The following PPCS variants were observed in gnomAD, a reference collection of about 807,000 sequenced individuals.
The protein encoded by PPCS is phosphopantothenate--cysteine ligase.
PPCS carries 17 observed loss-of-function variants against 24.6 expected under a neutral mutation model. That is an observed-to-expected ratio of 0.69 (90% confidence interval 0.47 to 1.04). PPCS has a LOEUF of 1.04. Among genes scored for constraint, PPCS ranks in the 50% least tolerant of loss-of-function variants. The pLI is 0.00. For synonymous variants in PPCS, 190 were observed against 168.3 expected (o/e 1.13, Z -1.00); for missense variants, 360 against 402.8 (o/e 0.89, Z 0.91).
intron 2 of PPCS, among the ~76,000 whole-genome samples, chr1:42,469,088 C>T (rs962928833): frequency 4.0e-5 from 6 of 151,686 alleles, no homozygotes; most frequent in Admixed American, 2.0e-4. Flanking sequence ...TTAAAACAAA[C>T]AAAAACAGGG....
rs1643371076 is a variant in PPCS, at chr1:42,460,107, A to C, written c.*181A>C. On this transcript the variant is annotated 3_prime_UTR_variant, in exon 3 of 3. Coordinates refer to ENST00000372561, the MANE Select transcript of PPCS (RefSeq NM_024664.4). ...TGACACCTGATATGATGTCATTTTG[A>C]TTTTGAAATTGAACACTAGAACTGT... is the stretch of plus-strand genomic sequence containing the variant. 7.3e-7 allele frequency: 1 copy of C among 1,361,764 alleles called. No homozygotes were observed. The highest frequency in any genetic ancestry group is 1.5e-5 in the African/African-American group (1 of 68,808). 84.4% of individuals were successfully genotyped at this position (1,361,764 alleles called of 1,614,324 possible). A position where few individuals can be genotyped will look rare whatever the true frequency, so the allele number is the denominator to read the frequency against.
At chr1:42,471,904 A>G (rs1329049533) in intron 2 of PPCS, among the ~76,000 whole-genome samples, 1 of 152,230 alleles carries the variant, frequency 6.6e-6, no homozygotes, top group Non-Finnish European at 1.5e-5. Context: ...AAAAAGCAAA[A>G]TAGTATATTT....
upstream of PPCS, chr1:42,456,505 C>A (rs1643184841): frequency 1.4e-6 from 2 of 1,424,384 alleles, no homozygotes; most frequent in Non-Finnish European, 1.8e-6. Context: ...ACCAGGTAGG[C>A]GAGAAGGGGC....
intron 2 of PPCS, among the ~76,000 whole-genome samples, chr1:42,471,829 A>G (rs1643779368): frequency 6.6e-6 from 1 of 152,216 alleles, no homozygotes; most frequent in African/African-American, 2.4e-5. Flanking sequence ...TTGATGTGGA[A>G]ATGGTAAGAC....
chr1:42,462,994 C>T (rs557761430), downstream of PPCS, among the ~76,000 whole-genome samples: 471 of 152,334 alleles, frequency 3.1e-3, 3 homozygotes, highest in African/African-American at 0.011. Context: ...GCAGGGGCTC[C>T]AGCTGAGTCC....
chr1:42,472,258 A>T (rs898185857), intron 2 of PPCS, among the ~76,000 whole-genome samples: 1 of 152,042 alleles, frequency 6.6e-6, no homozygotes, highest in Non-Finnish European at 1.5e-5. Flanking sequence ...ATCTCAAAGA[A>T]AAAAAAATAG....
In PPCS at chr1:42,459,780, C is replaced by G. The variant is rs751422458; in HGVS notation, c.790C>G (p.Gln264Glu). 7 of 1,614,022 alleles carry G rather than the reference C, an allele frequency of 4.3e-6. No homozygotes were observed. The African/African-American group carries it at 9.3e-5, about 22-fold the overall frequency. The change falls in exon 3 of 3, where the codon CAG (glutamine) becomes GAG (glutamate). Residue 264 changes from glutamine (Q) to glutamate (E), a missense_variant. Coordinates refer to ENST00000372561, the MANE Select transcript of PPCS (RefSeq NM_024664.4). ...VVVANILESRQSFVFIVTKDS... is the reference protein window; with the variant it reads ...VVVANILESRESFVFIVTKDS... ...GGTGGCTAATATCCTTGAGTCACGA[C>G]AGTCCTTTGTGTTTATTGTAACCAA...
chr1:42,463,606 A>T (rs527252179), downstream of PPCS: 1 of 152,112 alleles, frequency 6.6e-6, no homozygotes, highest in Non-Finnish European at 1.5e-5. Context: ...ACAAGCATTT[A>T]GTATTAGGCT....
intron 2 of PPCS, among the ~76,000 whole-genome samples, chr1:42,470,192 TTGAG>T (rs1016536011): frequency 2.6e-5 from 4 of 152,040 alleles, no homozygotes; most frequent in African/African-American, 9.7e-5. Flanking sequence ...ATCTGGTAGT[TTGAG>T]AGAGGATGTA....
rs377394886 is a variant in PPCS, at chr1:42,459,600, C to G, written c.613-3C>G. 28 of 1,610,598 alleles carry G rather than the reference C, an allele frequency of 1.7e-5. No individual in the cohort carries two copies. The highest frequency in any genetic ancestry group is 2.0e-5 in the Non-Finnish European group (23 of 1,178,064). On this transcript the variant is annotated splice_polypyrimidine_tract_variant and splice_region_variant and intron_variant, in intron 2 of 2. Transcript: ENST00000372561. ...TTATTAAGCTTTTCTTTTTCCAATA[C>G]AGATAACAATGAAGATGGTGCCAAA... is the stretch of plus-strand genomic sequence containing the variant.
rs1449797706 is a variant in PPCS at position 42,460,746 on chromosome 1, A to C, written c.*820A>C. 6.6e-6 allele frequency among the ~76,000 whole-genome samples: 1 copy of C among 152,216 alleles called. No individual in the cohort carries two copies. Among genetic ancestry groups the C allele is most frequent in the Non-Finnish European group, 1.5e-5 (1 of 68,048 alleles). On this transcript the variant is annotated 3_prime_UTR_variant, in exon 3 of 3. Transcript: ENST00000372561. ...CTTTATAAACTTAGGCATTTGACTT[A>C]ATCTCAGTGTCCACATGCATAAAAT...
At chr1:42,468,431 A>G (rs1330851327) in intron 2 of PPCS, among the ~76,000 whole-genome samples, 1 of 151,764 alleles carries the variant, frequency 6.6e-6, no homozygotes, top group Admixed American at 6.5e-5. Flanking sequence ...CCTTAAGGAC[A>G]GTTTCTGGAA....
At chr1:42,473,073 TTG>T (rs1027187986) in intron 2 of PPCS, 8,840 of 1,058,322 alleles carry the variant, frequency 8.4e-3, no homozygotes, top group East Asian at 0.021. Flanking sequence ...GCATCCTCAG[TTG>T]TGTGTGTGTG....
downstream of PPCS, among the ~76,000 whole-genome samples, chr1:42,466,050 A>G (rs1176646778): frequency 6.6e-6 from 1 of 152,238 alleles, no homozygotes; most frequent in African/African-American, 2.4e-5. Context: ...TTATTTGGGA[A>G]TTGAAAAACT....
downstream of PPCS, chr1:42,463,489 T>G (rs1196206328): frequency 6.6e-6 from 1 of 152,192 alleles, no homozygotes; most frequent in South Asian, 2.1e-4. Context: ...CCCAGTATGG[T>G]CCGAAACTAC....
intron 2 of PPCS, among the ~76,000 whole-genome samples, chr1:42,466,535 T>TTTG (rs943696066): frequency 6.7e-6 from 1 of 149,394 alleles, no homozygotes; most frequent in African/African-American, 2.5e-5. Context: ...GAATAGTTTT[T>TTTG]TTGTTGTTGT....
intron 1 of PPCS, 87 bp downstream of exon 1, chr1:42,457,160 A>G: frequency 6.3e-7 from 1 of 1,597,330 alleles, no homozygotes; most frequent in South Asian, 1.1e-5. Flanking sequence ...TTACCCACGG[A>G]TCTCAGCTGG....
exon 3 of PPCS, chr1:42,473,143 A>C: frequency 8.1e-7 from 1 of 1,229,652 alleles, no homozygotes; most frequent in Non-Finnish European, 1.0e-6. Flanking sequence ...GTTAGAAGAC[A>C]TACTTCACCA....
intron 2 of PPCS, 104 bp from the exon 3 acceptor site, chr1:42,459,498 TG>T: frequency 5.1e-6 from 5 of 980,224 alleles, no homozygotes; most frequent in Non-Finnish European, 7.6e-6. Context: ...AAAAGTTTGA[TG>T]GTTGAGAAAT....
Sources: allele counts gnomAD v4.1 joint callset (sites outside exome capture counted in the v4.1 genomes callset), GRCh38; gene constraint gnomAD v4.1.1; transcripts MANE v1.5; gene names NCBI Gene and HGNC (gene_info 2026-07-23, HGNC 2026-07-21).